KCNH4: variants seen among roughly 807,000 people sequenced by gnomAD.
The protein encoded by KCNH4 is potassium voltage-gated channel subfamily H member 4, also known as voltage-gated delayed rectifier potassium channel KCNH4.
Under a neutral mutation model 90.7 loss-of-function variants are expected in KCNH4, and 33 were observed. The ratio of observed to expected loss-of-function variants is 0.36; its 90% confidence interval spans 0.28 to 0.49. The LOEUF (loss-of-function observed/expected upper bound fraction) is 0.49. Ranked by LOEUF, KCNH4 falls within the 20% of genes least tolerant of loss-of-function variation. The pLI, the probability that KCNH4 is intolerant of heterozygous loss-of-function variation, is 0.98. For synonymous variants in KCNH4, 551 were observed against 581.7 expected (o/e 0.95, Z 0.76); for missense variants, 1,044 against 1,387.1 (o/e 0.75, Z 3.93).
At chr17:42,161,336 C>T (rs554550760) in intron 15 of KCNH4, among the ~76,000 whole-genome samples, 106 of 152,196 alleles carry the variant, frequency 7.0e-4, no homozygotes, top group Non-Finnish European at 1.2e-3. Flanking sequence ...AAGAGCCAGC[C>T]CCGCTCAGGC....
intron 6 of KCNH4, among the ~76,000 whole-genome samples, chr17:42,173,249 C>A (rs1025104637): frequency 1.3e-5 from 2 of 151,870 alleles, no homozygotes; most frequent in Non-Finnish European, 2.9e-5. Flanking sequence ...CCTGGGCCTC[C>A]AGGAACATTC....
chr17:42,160,353 G>A lies in KCNH4; in HGVS notation c.2741C>T (p.Pro914Leu). Reference sequence around the variant, plus strand: ...AGCGGAGCCTGCTGGGTGGCCTGGGGGACCCAGCCTGGCCTGCAGCAGGCC... The same window carrying A: ...AGCGGAGCCTGCTGGGTGGCCTGGGAGACCCAGCCTGGCCTGCAGCAGGCC... ...IMGLLQARLG[P>L]PGHPAGSAWT... is the part of the protein sequence containing the mutation. The change falls in exon 16 of 17, where the codon CCC (proline) becomes CTC (leucine). Residue 914 changes from proline to leucine, a missense_variant. Coordinates refer to ENST00000264661, the MANE Select transcript of KCNH4 (RefSeq NM_012285.3). The A allele has an allele frequency of 2.5e-6, 4 of 1,614,074 alleles. No homozygotes were observed. The highest frequency in any genetic ancestry group is 2.2e-5 in the South Asian group (2 of 91,074).
chr17:42,179,048 G>T, intron 1 of KCNH4, 22 bp from the exon 2 acceptor site: 1 of 1,594,362 alleles, frequency 6.3e-7, no homozygotes, highest in Non-Finnish European at 8.6e-7. Flanking sequence ...AGAGGTCAAG[G>T]TCAGGTCAAG....
At chr17:42,175,859 G>T in intron 5 of KCNH4, 123 bp from the exon 6 acceptor site, 1 of 1,328,550 alleles carries the variant, frequency 7.5e-7, no homozygotes, top group African/African-American at 1.5e-5. Flanking sequence ...TTGGGCTTCT[G>T]GCTGGTCCTT....
At chr17:42,167,878 G>A (rs1304494402) in intron 9 of KCNH4, among the ~76,000 whole-genome samples, 1 of 152,144 alleles carries the variant, frequency 6.6e-6, no homozygotes, top group African/African-American at 2.4e-5. Context: ...CTAAATTCTA[G>A]GCCATCCCTG....
Position 42,180,766 on chromosome 17 carries a change from T to C in KCNH4, c.76+104A>G. ...AGTTCCTAGACCCGCACCTCCATTC[T>C]CTCCCCTCGCCTCGGGTCTCACCAT... is the stretch of plus-strand genomic sequence containing the variant. On this transcript the variant is annotated intron_variant, in intron 1 of 16. Transcript: ENST00000264661. The surrounding 1 kb of genome is among the most constrained non-coding windows in gnomAD (Gnocchi z 4.7). 8.5e-7 allele frequency: 1 copy of C among 1,177,160 alleles called. No homozygotes were observed. The highest frequency in any genetic ancestry group is 1.3e-6 in the Non-Finnish European group (1 of 799,162). 72.9% of individuals were successfully genotyped at this position (1,177,160 alleles called of 1,614,324 possible). A position where few individuals can be genotyped will look rare whatever the true frequency, so the allele number is the denominator to read the frequency against.
At position 42,176,193 on chromosome 17, in the gene KCNH4, G is replaced by A. The variant is rs540691706; in HGVS notation, c.690C>T (p.Asp230=). The A allele has an allele frequency of 5.3e-5, 85 of 1,614,008 alleles. 1 individual carries two copies. In the East Asian group the frequency reaches 5.6e-4, roughly 11 times the overall value. ...LHYSVSKAIW[D]GLILLATFYV... ...AGAAGGTGGCAAGGAGGATAAGGCC[G>A]TCCCAGATGGCCTTGGAGACGCTGT... is the stretch of plus-strand genomic sequence containing the variant. Residue 230 remains aspartate, a synonymous_variant, in exon 5 of 17, where the codon GAC becomes GAT. Transcript: ENST00000264661.
chr17:42,180,910 G>A lies in KCNH4; in HGVS notation c.36C>T (p.Asn12=), dbSNP rs1192988948. The change falls in exon 1 of 17, where the codon AAC becomes AAT. Residue 12 remains asparagine (N), a synonymous_variant. Transcript: ENST00000264661. The surrounding 1 kb of genome is among the most constrained non-coding windows in gnomAD (Gnocchi z 4.7). ...PVMKGLLAPQ[N]TFLDTIATRF... ...GGGTGGCGATGGTGTCCAGGAAGGT[G>A]TTTTGCGGGGCCAGCAACCCCTTCA... 1 of 1,613,898 alleles carries A rather than the reference G, an allele frequency of 6.2e-7. No homozygotes were observed. The highest frequency in any genetic ancestry group is 8.5e-7 in the Non-Finnish European group (1 of 1,179,912).
chr17:42,171,913 C>T lies in KCNH4; in HGVS notation c.1070G>A (p.Cys357Tyr), dbSNP rs764619806. Residue 357 changes from cysteine (C) to tyrosine (Y), a missense_variant, in exon 7 of 17, where the codon TGC becomes TAC. This residue lies in a region of KCNH4 where 318 missense variants were observed against 479.6 expected (regional missense o/e 0.66). Coordinates refer to ENST00000264661, the MANE Select transcript of KCNH4 (RefSeq NM_012285.3). Reference sequence around the variant, plus strand: ...GAGCAGCGTGAGCACCACAGCACTGCACTGAGAGTACCGCTCCAGCTTCTG... The same window carrying T: ...GAGCAGCGTGAGCACCACAGCACTGTACTGAGAGTACCGCTCCAGCTTCTG... Reference protein sequence around the residue: ...LLQKLERYSQCSAVVLTLLMS... With the variant: ...LLQKLERYSQYSAVVLTLLMS... 9 of 1,614,070 alleles carry T rather than the reference C, an allele frequency of 5.6e-6. No individual in the cohort carries two copies. The East Asian group carries it at 2.0e-4, about 36-fold the overall frequency.
intron 5 of KCNH4, 64 bp from the exon 6 acceptor site, chr17:42,175,800 G>A: frequency 6.3e-7 from 1 of 1,579,354 alleles, no homozygotes; most frequent in Non-Finnish European, 8.7e-7. Context: ...CGACAAAGCT[G>A]GGAACAAGCT....
At chr17:42,176,830 C>A (rs1254294970) in intron 4 of KCNH4, among the ~76,000 whole-genome samples, 1 of 151,938 alleles carries the variant, frequency 6.6e-6, no homozygotes, top group Admixed American at 6.6e-5. Context: ...GCCCCAGGCC[C>A]CTGTTTGAAC....
intron 6 of KCNH4, among the ~76,000 whole-genome samples, chr17:42,173,857 C>A (rs1327126551): frequency 1.3e-5 from 2 of 151,800 alleles, no homozygotes; most frequent in African/African-American, 4.8e-5. Flanking sequence ...CCTGCCACCA[C>A]GCCTGGCTAA....
rs1169628526 is a variant in KCNH4 at position 42,162,261 on chromosome 17, C to T, written c.2645G>A (p.Arg882Gln). Residue 882 changes from arginine (R) to glutamine (Q), a missense_variant, in exon 15 of 17, where the codon CGG becomes CAG. Coordinates refer to ENST00000264661, the MANE Select transcript of KCNH4 (RefSeq NM_012285.3). ...EAEEVKEKVC[R>Q]LNQEISRLNQ... ...GCCCCAACCCACCTCCTGGTTCAGC[C>T]GGCAAACCTTTTCCTTCACCTCCTC... is the stretch of plus-strand genomic sequence containing the variant. The T allele has an allele frequency of 8.1e-6, 13 of 1,613,910 alleles. No individual in the cohort carries two copies. The highest frequency in any genetic ancestry group is 3.3e-5 in the Admixed American group (2 of 59,996).
At chr17:42,169,992 T>C in intron 8 of KCNH4, 115 bp downstream of exon 8, 1 of 1,093,916 alleles carries the variant, frequency 9.1e-7, no homozygotes, top group Non-Finnish European at 1.3e-6. Context: ...AATGCGTGAC[T>C]GTCTGGACTT....
intron 16 of KCNH4, among the ~76,000 whole-genome samples, chr17:42,158,153 C>G (rs1472104520): frequency 6.6e-6 from 1 of 151,874 alleles, no homozygotes; most frequent in Non-Finnish European, 1.5e-5. Context: ...GTCTCGAACT[C>G]CAGACCTCAG....
Position 42,178,834 on chromosome 17 carries a change from T to G in KCNH4, c.269A>C (p.His90Pro), listed in dbSNP as rs1241100510. Residue 90 changes from histidine to proline, a missense_variant, in exon 2 of 17, where the codon CAC becomes CCC. Transcript: ENST00000264661. ...GCAGATTTCAGCCCGGTGCTCCTGG[T>G]GGCCCTCCAGGGCTTTGTGCAGACG... ...LQRLHKALEG[H>P]QEHRAEICFY... 1 of 1,614,076 alleles carries G rather than the reference T, an allele frequency of 6.2e-7. No individual in the cohort carries two copies. The highest frequency in any genetic ancestry group is 8.5e-7 in the Non-Finnish European group (1 of 1,180,008).
intron 2 of KCNH4, 27 bp downstream of exon 2, chr17:42,178,766 G>A: frequency 6.3e-7 from 1 of 1,582,744 alleles, no homozygotes; most frequent in Non-Finnish European, 8.7e-7. Context: ...TCTAGGCAGA[G>A]CTGCAGGGTG....
intron 7 of KCNH4, among the ~76,000 whole-genome samples, chr17:42,171,571 C>T (rs1201448434): frequency 1.3e-5 from 2 of 152,050 alleles, no homozygotes; most frequent in Admixed American, 1.3e-4. Context: ...TGGTCTTGCT[C>T]CCCCACTAGG....
Position 42,163,936 on chromosome 17 carries a change from G to C in KCNH4, c.2147C>G (p.Ser716Cys). 1 of 1,544,786 alleles carries C rather than the reference G, an allele frequency of 6.5e-7. No homozygotes were observed. Among genetic ancestry groups the C allele is most frequent in the South Asian group, 1.2e-5 (1 of 83,560 alleles). The change falls in exon 13 of 17, where the codon TCC becomes TGC. Residue 716 changes from serine (S) to cysteine (C), a missense_variant. Physicochemically the swap from Ser to Cys is moderately radical, Grantham distance 112. Transcript: ENST00000264661. This position sits in a 1 kb window ranked among gnomAD's most constrained non-coding sequence, Gnocchi z 5.4. ...GGATGGCAGCGTCTTGTCTGAGGAG[G>C]AGCCGAGGCTTTCTGAGCGGGGCTG... The part of the protein sequence containing the change: ...LSQPRSESLG[S>C]SSDKTLPSIT...
Sources: allele counts gnomAD v4.1 joint callset (sites outside exome capture counted in the v4.1 genomes callset), GRCh38; gene constraint gnomAD v4.1.1; regional missense constraint gnomAD v4.1.1; non-coding constraint Gnocchi (gnomAD v3.1); transcripts MANE v1.5; gene names NCBI Gene and HGNC (gene_info 2026-07-23, HGNC 2026-07-21).